Variants in NXPH1 observed in about 807,000 individuals in gnomAD.
NXPH1 encodes the protein neurexophilin-1.
Under a neutral mutation model 23.7 loss-of-function variants are expected in NXPH1, and 5 were observed. The ratio of observed to expected loss-of-function variants is 0.21; its 90% confidence interval spans 0.11 to 0.44. NXPH1 has a LOEUF of 0.44. Ranked by LOEUF, NXPH1 falls within the 20% of genes least tolerant of loss-of-function variation. The pLI is 0.99. For synonymous variants in NXPH1, 144 were observed against 122.2 expected, an observed-to-expected ratio of 1.18 and a Z score of -1.18; for missense variants, 324 against 321.6, an observed-to-expected ratio of 1.01 and a Z score of -0.06.
intron 2 of NXPH1, among the ~76,000 whole-genome samples, chr7:8,676,438 TTTTTA>T (rs1820954609): frequency 6.6e-6 from 1 of 151,550 alleles, no homozygotes; most frequent in Non-Finnish European, 1.5e-5. Context: ...GCAATCGTGA[TTTTTA>T]TTTTATTTTA....
At chr7:8,619,426 T>C (rs1418453423) in intron 2 of NXPH1, among the ~76,000 whole-genome samples, 1 of 152,176 alleles carries the variant, frequency 6.6e-6, no homozygotes, top group Non-Finnish European at 1.5e-5. Flanking sequence ...TTAATCCAGG[T>C]CTTATTTTGT....
chr7:8,713,284 G>C (rs67858210), intron 2 of NXPH1, among the ~76,000 whole-genome samples: 16,418 of 152,030 alleles, frequency 0.11, 1,424 homozygotes, highest in African/African-American at 0.24. Flanking sequence ...CAGAATTTCT[G>C]CTCGATTCTT....
intron 2 of NXPH1, among the ~76,000 whole-genome samples, chr7:8,734,248 C>T (rs1380723311): frequency 2.6e-5 from 4 of 152,104 alleles, no homozygotes; most frequent in Non-Finnish European, 5.9e-5. Flanking sequence ...TGTTTTGGTA[C>T]CACTACCATG....
At chr7:8,712,175 C>A (rs973540763) in intron 2 of NXPH1, among the ~76,000 whole-genome samples, 1 of 152,156 alleles carries the variant, frequency 6.6e-6, no homozygotes, top group African/African-American at 2.4e-5. Flanking sequence ...AGATCAAAAA[C>A]GAACACAAGT....
chr7:8,626,543 A>G (rs1819993505), intron 2 of NXPH1, among the ~76,000 whole-genome samples: 1 of 151,738 alleles, frequency 6.6e-6, no homozygotes, highest in South Asian at 2.1e-4. Context: ...CTTTTAAATT[A>G]CTCCTTACAA....
At chr7:8,484,367 T>G in intron 2 of NXPH1, among the ~76,000 whole-genome samples, 1 of 152,000 alleles carries the variant, frequency 6.6e-6, no homozygotes, top group African/African-American at 2.4e-5. Flanking sequence ...GTAGCTGGTC[T>G]AGGTCTACAC....
At chr7:8,627,191 T>A (rs545571819) in intron 2 of NXPH1, among the ~76,000 whole-genome samples, 1 of 152,110 alleles carries the variant, frequency 6.6e-6, no homozygotes, top group Non-Finnish European at 1.5e-5. Flanking sequence ...TTTTTATGTA[T>A]ATTTGATGTC....
intron 2 of NXPH1, among the ~76,000 whole-genome samples, chr7:8,636,366 C>T (rs1241709711): frequency 6.6e-6 from 1 of 152,150 alleles, no homozygotes. Context: ...ACATTTTGGC[C>T]TGCAAAAGTG....
intron 2 of NXPH1, among the ~76,000 whole-genome samples, chr7:8,513,784 C>A (rs866024129): frequency 8.5e-5 from 13 of 152,208 alleles, no homozygotes; most frequent in African/African-American, 2.6e-4. Flanking sequence ...GTCAGACTTG[C>A]CTGCGTCTTG....
chr7:8,452,198 A>T (rs187569257), intron 2 of NXPH1, among the ~76,000 whole-genome samples: 1 of 152,300 alleles, frequency 6.6e-6, no homozygotes, highest in East Asian at 1.9e-4. Flanking sequence ...TTTTTGATAT[A>T]CCCTTTTCTT....
chr7:8,582,900 G>A (rs1011699929), intron 2 of NXPH1, among the ~76,000 whole-genome samples: 1 of 152,158 alleles, frequency 6.6e-6, no homozygotes, highest in African/African-American at 2.4e-5. Context: ...GTTGTCAATG[G>A]CACCCAGGCT....
At chr7:8,681,365 A>C (rs1177224127) in intron 2 of NXPH1, among the ~76,000 whole-genome samples, 1 of 152,202 alleles carries the variant, frequency 6.6e-6, no homozygotes, top group African/African-American at 2.4e-5. Context: ...TTTTGAGACA[A>C]TTTACCCAGT....
chr7:8,493,594 T>C (rs1269245796), intron 2 of NXPH1, among the ~76,000 whole-genome samples: 1 of 152,052 alleles, frequency 6.6e-6, no homozygotes, highest in African/African-American at 2.4e-5. Flanking sequence ...TACAATATAT[T>C]TTCTCTCCTT....
chr7:8,733,036 C>G (rs775567598), intron 2 of NXPH1, among the ~76,000 whole-genome samples: 2 of 152,008 alleles, frequency 1.3e-5, no homozygotes, highest in Non-Finnish European at 2.9e-5. Flanking sequence ...TAGCCCCCTA[C>G]TACCTGACAG....
chr7:8,577,340 G>A (rs951479747), intron 2 of NXPH1, among the ~76,000 whole-genome samples: 15 of 152,136 alleles, frequency 9.9e-5, no homozygotes, highest in Admixed American at 2.6e-4. Context: ...ATTGTTGCAG[G>A]GGTATGTGTC....
intron 2 of NXPH1, among the ~76,000 whole-genome samples, chr7:8,680,736 C>T (rs1821036463): frequency 6.9e-6 from 1 of 145,956 alleles, no homozygotes; most frequent in Non-Finnish European, 1.5e-5. Context: ...ATCACTGTAA[C>T]AGTTATTGAT....
intron 2 of NXPH1, among the ~76,000 whole-genome samples, chr7:8,568,075 T>C (rs1475832635): frequency 1.3e-5 from 2 of 151,904 alleles, no homozygotes; most frequent in African/African-American, 4.8e-5. Flanking sequence ...ATATAACATA[T>C]AGCTTTAAAA....
intron 2 of NXPH1, among the ~76,000 whole-genome samples, chr7:8,484,384 G>T (rs550444204): frequency 6.6e-6 from 1 of 152,136 alleles, no homozygotes; most frequent in East Asian, 1.9e-4. Flanking sequence ...ACACCATCAA[G>T]CAGGATGATG....
chr7:8,510,661 A>G (rs1387374395), intron 2 of NXPH1, among the ~76,000 whole-genome samples: 2 of 152,160 alleles, frequency 1.3e-5, no homozygotes, highest in African/African-American at 4.8e-5. Flanking sequence ...GAAGAATTAT[A>G]CAAATACATA....
Sources: gnomAD v4.1 joint callset for allele counts (sites outside exome capture counted in the v4.1 genomes callset) on GRCh38, gnomAD v4.1.1 for gene constraint, MANE v1.5 for transcripts, NCBI Gene and HGNC (gene_info 2026-07-23, HGNC 2026-07-21) for gene names.